Variants in VPS50 observed in about 807,000 individuals in gnomAD.
The protein encoded by VPS50 is VPS50 subunit of EARP/GARPII complex, also known as syndetin.
A neutral mutation model predicts 139.7 loss-of-function variants in VPS50; 70 were observed. The ratio of observed to expected loss-of-function variants is 0.50; its 90% CI spans 0.41 to 0.61. The LOEUF (loss-of-function observed/expected upper bound fraction) is 0.61, where lower values mean the gene tolerates loss of function less well. Ranked by LOEUF, VPS50 falls within the 20% of genes least tolerant of loss-of-function variation. The pLI is 0.00. For synonymous variants in VPS50, 365 were observed against 376.7 expected (o/e 0.97, Z 0.36); for missense variants, 921 against 1,133.7 (o/e 0.81, Z 2.69).
intron 11 of VPS50, among the ~76,000 whole-genome samples, chr7:93,273,851 A>G (rs770428071): frequency 2.0e-5 from 3 of 152,124 alleles, no homozygotes; most frequent in South Asian, 4.1e-4. Flanking sequence ...AACAGTATGC[A>G]TGCATGTACT....
chr7:93,331,604 G>A (rs1339074187), intron 21 of VPS50, among the ~76,000 whole-genome samples: 1 of 152,000 alleles, frequency 6.6e-6, no homozygotes, highest in Non-Finnish European at 1.5e-5. Context: ...TTGTTTGTAA[G>A]ACCTAAAGAA....
intron 2 of VPS50, among the ~76,000 whole-genome samples, chr7:93,252,154 C>G (rs937749056): frequency 1.3e-5 from 2 of 152,092 alleles, no homozygotes; most frequent in African/African-American, 4.8e-5. Context: ...ATTTGTGAAC[C>G]TTTTCTGGAG....
At chr7:93,262,544 T>C (rs1795717469) in intron 9 of VPS50, among the ~76,000 whole-genome samples, 1 of 152,212 alleles carries the variant, frequency 6.6e-6, no homozygotes, top group Admixed American at 6.5e-5. Flanking sequence ...ATAAGAAGAA[T>C]TGGTCTTATT....
rs1466788819 is a variant in VPS50, at chr7:93,341,351, T to A, written c.2059-76T>A. Reference sequence around the variant, plus strand: ...GCCCCAAGAGTATTTTAATTTTAATTCTAATTTTGTCAAAATCACGTGGTT... The same window carrying A: ...GCCCCAAGAGTATTTTAATTTTAATACTAATTTTGTCAAAATCACGTGGTT... On this transcript the variant is annotated intron_variant, in intron 22 of 27. Transcript: ENST00000305866. 1.3e-5 allele frequency: 12 copies of A among 935,720 alleles called. No homozygotes were observed. The East Asian group carries it at 1.6e-4, about 13-fold the overall frequency. 58.0% of individuals were successfully genotyped at this position (935,720 alleles called of 1,614,324 possible).
chr7:93,271,037 ACT>A, intron 9 of VPS50, 181 bp from the exon 10 acceptor site: 1 of 851,966 alleles, frequency 1.2e-6, no homozygotes, highest in Non-Finnish European at 1.6e-6. Flanking sequence ...GCTGCTAATG[ACT>A]CTTATTCCCT....
chr7:93,297,037 A>G (rs1213166802), intron 15 of VPS50, 108 bp from the exon 16 acceptor site: 30 of 1,464,050 alleles, frequency 2.0e-5, no homozygotes, highest in Non-Finnish European at 1.9e-5. Flanking sequence ...ATTTTTTCAC[A>G]TGTCCAAATT....
At chr7:93,247,516 C>T (rs954700434) in intron 2 of VPS50, among the ~76,000 whole-genome samples, 1 of 151,944 alleles carries the variant, frequency 6.6e-6, no homozygotes, top group Non-Finnish European at 1.5e-5. Flanking sequence ...TGAAATTCTA[C>T]CTATTCTCTC....
chr7:93,269,468 A>C (rs1795940892), intron 9 of VPS50, among the ~76,000 whole-genome samples: 1 of 152,136 alleles, frequency 6.6e-6, no homozygotes, highest in African/African-American at 2.4e-5. Flanking sequence ...TCCAGTCCTC[A>C]ACTTCAGTTC....
chr7:93,331,236 T>G (rs560165227), intron 21 of VPS50, among the ~76,000 whole-genome samples: 2 of 152,018 alleles, frequency 1.3e-5, no homozygotes, highest in Non-Finnish European at 2.9e-5. Context: ...AACAAGGTTT[T>G]TTTTTTTTTT....
At chr7:93,340,145 C>T in intron 22 of VPS50, among the ~76,000 whole-genome samples, 1 of 152,176 alleles carries the variant, frequency 6.6e-6, no homozygotes, top group Admixed American at 6.5e-5. Context: ...GACCTCTCTC[C>T]TTCGTGCCCC....
chr7:93,261,203 T>C (rs1018275205), intron 9 of VPS50, among the ~76,000 whole-genome samples: 2 of 152,204 alleles, frequency 1.3e-5, no homozygotes, highest in African/African-American at 4.8e-5. Flanking sequence ...AAATCTGTTA[T>C]ATAGTAACAG....
intron 2 of VPS50, 106 bp downstream of exon 2, chr7:93,240,040 G>T: frequency 1.4e-6 from 1 of 715,738 alleles, no homozygotes; most frequent in Non-Finnish European, 2.5e-6. Flanking sequence ...ACAGGCAGAT[G>T]GTTGTTAAGA....
At chr7:93,341,301 C>G in intron 22 of VPS50, 126 bp from the exon 23 acceptor site, 2 of 601,822 alleles carry the variant, frequency 3.3e-6, no homozygotes, top group South Asian at 4.8e-5. Flanking sequence ...ATAAAAAGAA[C>G]TGAACCTAAA....
At chr7:93,280,555 T>A (rs1452297909) in intron 12 of VPS50, among the ~76,000 whole-genome samples, 2 of 152,184 alleles carry the variant, frequency 1.3e-5, no homozygotes, top group Non-Finnish European at 2.9e-5. Flanking sequence ...GAGAGATTTA[T>A]AGACAACATT....
rs1369775862 is a variant in VPS50, at chr7:93,359,933, C to T, written c.*1497C>T. 11 of 152,118 alleles carry T rather than the reference C, an allele frequency of 7.2e-5. No homozygotes were observed. The highest frequency in any genetic ancestry group is 2.7e-4 in the African/African-American group (11 of 41,428). 9.4% of individuals were successfully genotyped at this position (152,118 alleles called of 1,614,324 possible). Reference sequence around the variant, plus strand: ...CATTTACTGTCAATTTAAAACTTTCCTCTTGTAAAAAGGTATGAGTTTGGT... The same window carrying T: ...CATTTACTGTCAATTTAAAACTTTCTTCTTGTAAAAAGGTATGAGTTTGGT... On this transcript the variant is annotated 3_prime_UTR_variant, in exon 28 of 28. Coordinates refer to ENST00000305866, the MANE Select transcript of VPS50 (RefSeq NM_017667.4).
At chr7:93,307,571 C>G (rs1378625055) in intron 18 of VPS50, among the ~76,000 whole-genome samples, 1 of 151,856 alleles carries the variant, frequency 6.6e-6, no homozygotes, top group East Asian at 1.9e-4. Flanking sequence ...CCAAAAATAT[C>G]AGAAGTATTG....
intron 2 of VPS50, chr7:93,246,044 A>C: frequency 9.8e-7 from 1 of 1,022,066 alleles, no homozygotes; most frequent in Non-Finnish European, 1.4e-6. Context: ...TTTTGTTCTT[A>C]CTTCTAGCTC....
At chr7:93,295,186 G>C (rs967120151) in intron 14 of VPS50, among the ~76,000 whole-genome samples, 5 of 152,168 alleles carry the variant, frequency 3.3e-5, no homozygotes, top group Admixed American at 3.3e-4. Flanking sequence ...TTTATAAACA[G>C]AGAAGTTTAT....
At chr7:93,291,992 T>C (rs1716556329) in intron 13 of VPS50, among the ~76,000 whole-genome samples, 157 bp downstream of exon 13, 1 of 152,126 alleles carries the variant, frequency 6.6e-6, no homozygotes, top group African/African-American at 2.4e-5. Context: ...TTCAGCTACT[T>C]CAAATGTTCT....
Sources: allele counts gnomAD v4.1 joint callset (sites outside exome capture counted in the v4.1 genomes callset), GRCh38; gene constraint gnomAD v4.1.1; transcripts MANE v1.5; gene names NCBI Gene and HGNC (gene_info 2026-07-23, HGNC 2026-07-21).